The following DPP10 variants were observed in gnomAD, a reference collection of about 807,000 sequenced individuals.
DPP10 encodes the protein dipeptidyl peptidase like 10.
DPP10 carries 33 observed loss-of-function variants against 120.9 expected under a neutral mutation model. That is an observed-to-expected ratio of 0.27 (90% CI 0.21 to 0.37). DPP10 has a LOEUF of 0.37. Ranked by LOEUF, DPP10 falls within the 10% of genes least tolerant of loss-of-function variation. DPP10 has a pLI of 1.00. For missense variants in DPP10, 816 were observed against 942.8 expected (o/e 0.87, Z 1.76); for synonymous variants, 337 against 326.1 (o/e 1.03, Z -0.36).
chr2:115,660,652 T>C (rs983834347), intron 5 of DPP10, among the ~76,000 whole-genome samples: 1 of 133,574 alleles, frequency 7.5e-6, no homozygotes. Context: ...TCTCTCTGTC[T>C]GGCTTTTTTT....
chr2:114,986,515 C>A (rs948596491), intron 1 of DPP10, among the ~76,000 whole-genome samples: 3 of 152,108 alleles, frequency 2.0e-5, no homozygotes, highest in African/African-American at 7.2e-5. Context: ...GTGTAAGAAT[C>A]TTTGCAAATT....
chr2:114,959,248 T>A (rs1698436441), intron 1 of DPP10, among the ~76,000 whole-genome samples: 1 of 152,190 alleles, frequency 6.6e-6, no homozygotes, highest in African/African-American at 2.4e-5. Context: ...TCACTAGTTT[T>A]AAGTATATTC....
At chr2:115,210,355 A>C (rs2056427335) in intron 1 of DPP10, among the ~76,000 whole-genome samples, 1 of 152,074 alleles carries the variant, frequency 6.6e-6, no homozygotes, top group South Asian at 2.1e-4. Flanking sequence ...TGAACTGATC[A>C]TTTTTTATGG....
chr2:115,687,032 A>T (rs2091027567), intron 5 of DPP10, among the ~76,000 whole-genome samples: 1 of 152,046 alleles, frequency 6.6e-6, no homozygotes, highest in Non-Finnish European at 1.5e-5. Flanking sequence ...GGAGTTTAAG[A>T]TAAAGGAAAT....
chr2:114,952,308 G>A (rs888568974), intron 1 of DPP10, among the ~76,000 whole-genome samples: 3 of 151,900 alleles, frequency 2.0e-5, no homozygotes, highest in African/African-American at 7.2e-5. Context: ...GTATACACAC[G>A]AAATCAACCT....
At chr2:115,385,003 C>T (rs1368351752) in intron 3 of DPP10, among the ~76,000 whole-genome samples, 1 of 152,264 alleles carries the variant, frequency 6.6e-6, no homozygotes, top group East Asian at 1.9e-4. Flanking sequence ...TGTTTTGCAT[C>T]TTTCTCATTT....
intron 1 of DPP10, among the ~76,000 whole-genome samples, chr2:114,825,372 A>G (rs1011345552): frequency 6.6e-6 from 1 of 152,208 alleles, no homozygotes; most frequent in African/African-American, 2.4e-5. Flanking sequence ...GAGGAATTGT[A>G]TGCCTGTTGA....
At chr2:114,491,055 T>C (rs1681955636) in intron 1 of DPP10, among the ~76,000 whole-genome samples, 1 of 152,190 alleles carries the variant, frequency 6.6e-6, no homozygotes, top group Non-Finnish European at 1.5e-5. Flanking sequence ...TGTGTTCTTT[T>C]ACTTACATAT....
At chr2:115,011,957 A>G (rs1573295892) in intron 1 of DPP10, among the ~76,000 whole-genome samples, 1 of 151,814 alleles carries the variant, frequency 6.6e-6, no homozygotes, top group South Asian at 2.1e-4. Flanking sequence ...TGGGAGTGAG[A>G]CCAGCCTTTA....
chr2:114,564,286 G>A (rs115252989), intron 1 of DPP10, among the ~76,000 whole-genome samples: 126 of 152,122 alleles, frequency 8.3e-4, no homozygotes, highest in African/African-American at 2.8e-3. Flanking sequence ...TCTACACAAG[G>A]CTAAGTTGCT....
chr2:114,926,618 A>G (rs1050917608), intron 1 of DPP10, among the ~76,000 whole-genome samples: 4 of 152,184 alleles, frequency 2.6e-5, no homozygotes, highest in Admixed American at 6.5e-5. Context: ...AGTGATCTGT[A>G]GAAGTGACAG....
chr2:114,808,558 T>G, intron 1 of DPP10, among the ~76,000 whole-genome samples: 1 of 151,938 alleles, frequency 6.6e-6, no homozygotes. Flanking sequence ...TTTTTTTTTT[T>G]TTGCTTAATG....
At chr2:114,636,404 G>A (rs1284428094) in intron 1 of DPP10, among the ~76,000 whole-genome samples, 2 of 151,976 alleles carry the variant, frequency 1.3e-5, no homozygotes, top group Admixed American at 1.3e-4. Flanking sequence ...TACCTTGATT[G>A]CTGGAAGAGT....
chr2:114,993,977 A>G (rs1700921818), intron 1 of DPP10, among the ~76,000 whole-genome samples: 1 of 152,002 alleles, frequency 6.6e-6, no homozygotes, highest in East Asian at 1.9e-4. Flanking sequence ...CTAATCCTAC[A>G]CTGTACCTTC....
chr2:114,848,128 C>G (rs1359773208), intron 1 of DPP10, among the ~76,000 whole-genome samples: 1 of 152,038 alleles, frequency 6.6e-6, no homozygotes, highest in Non-Finnish European at 1.5e-5. Context: ...AAGGATGGCC[C>G]GAGTTTATAA....
chr2:115,496,354 T>A (rs1249717898), intron 3 of DPP10, among the ~76,000 whole-genome samples: 2 of 152,086 alleles, frequency 1.3e-5, no homozygotes, highest in Non-Finnish European at 1.5e-5. Flanking sequence ...GGAGTGTAGA[T>A]CTAAAGGTAT....
intron 5 of DPP10, among the ~76,000 whole-genome samples, chr2:115,613,230 G>T (rs1444093527): frequency 6.6e-6 from 1 of 152,156 alleles, no homozygotes; most frequent in East Asian, 1.9e-4. Context: ...GCATGGTATT[G>T]TGTGATTTGG....
chr2:115,374,680 C>A (rs2065657047), intron 3 of DPP10, among the ~76,000 whole-genome samples: 1 of 152,244 alleles, frequency 6.6e-6, no homozygotes, highest in Admixed American at 6.5e-5. Flanking sequence ...CATCTGAAAT[C>A]CAGACAGAGG....
At chr2:114,894,557 G>C (rs539063041) in intron 1 of DPP10, among the ~76,000 whole-genome samples, 13 of 152,112 alleles carry the variant, frequency 8.5e-5, no homozygotes, top group African/African-American at 3.1e-4. Flanking sequence ...ATTTATTTTT[G>C]TCTAAAGGAT....
Sources: allele counts gnomAD v4.1 joint callset (sites outside exome capture counted in the v4.1 genomes callset), GRCh38; gene constraint gnomAD v4.1.1; transcripts MANE v1.5; gene names NCBI Gene and HGNC (gene_info 2026-07-23, HGNC 2026-07-21).